Variants in NCOA2 observed in about 807,000 individuals in gnomAD.
NCOA2 encodes nuclear receptor coactivator 2, also known as class E basic helix-loop-helix protein 75.
In NCOA2, 21 loss-of-function variants were observed where a neutral mutation model predicts 145.1. The ratio of observed to expected loss-of-function variants is 0.14; its 90% confidence interval spans 0.10 to 0.21. The LOEUF (loss-of-function observed/expected upper bound fraction) is 0.21, where lower values mean the gene tolerates loss of function less well. Ranked by LOEUF, NCOA2 falls within the 10% of genes least tolerant of loss-of-function variation. The pLI is 1.00. For synonymous variants in NCOA2, 619 were observed against 637.5 expected (o/e 0.97, Z 0.44); for missense variants, 1,472 against 1,837.6 (o/e 0.80, Z 3.64).
At chr8:70,404,744 G>C (rs528551118), upstream of NCOA2, among the ~76,000 whole-genome samples, 45 of 152,302 alleles carry the variant, frequency 3.0e-4, no homozygotes, top group Admixed American at 2.4e-3. Flanking sequence ...CTAGACATCC[G>C]TGAACAAAGT....
chr8:70,332,362 C>G (rs1053213628), intron 1 of NCOA2, among the ~76,000 whole-genome samples: 3 of 152,120 alleles, frequency 2.0e-5, no homozygotes, highest in Non-Finnish European at 4.4e-5. Context: ...TAAAAGAAAA[C>G]TACCTACACT....
chr8:70,138,918 A>G (rs559799070), intron 14 of NCOA2, among the ~76,000 whole-genome samples: 97 of 152,376 alleles, frequency 6.4e-4, no homozygotes, highest in Admixed American at 4.0e-3. Context: ...TTGGGCGATA[A>G]TAAGAGTGAA....
chr8:70,277,600 C>G (rs1244907860), intron 2 of NCOA2, among the ~76,000 whole-genome samples: 2 of 152,212 alleles, frequency 1.3e-5, no homozygotes, highest in South Asian at 2.1e-4. Flanking sequence ...AAGGGCCAGA[C>G]AGTTGAGTAA....
intron 1 of NCOA2, among the ~76,000 whole-genome samples, chr8:70,341,081 T>TAAAAAAAAAA (rs1563782941): frequency 5.2e-5 from 5 of 96,000 alleles, no homozygotes; most frequent in African/African-American, 3.0e-4. Context: ...CTTAAAAAGT[T>TAAAAAAAAAA]GAAAAAAAAA....
intron 4 of NCOA2, 52 bp downstream of exon 4, chr8:70,213,851 G>A: frequency 2.1e-6 from 3 of 1,457,028 alleles, no homozygotes; most frequent in Non-Finnish European, 2.8e-6. Context: ...TCTCACACAG[G>A]GAAAAACAGA....
At chr8:70,243,963 A>T (rs1188318742) in intron 2 of NCOA2, among the ~76,000 whole-genome samples, 2 of 152,070 alleles carry the variant, frequency 1.3e-5, no homozygotes, top group Admixed American at 1.3e-4. Context: ...CTGTGCTAAG[A>T]TATGGCTTGT....
intron 1 of NCOA2, among the ~76,000 whole-genome samples, chr8:70,360,831 G>C (rs1810130220): frequency 1.3e-5 from 2 of 151,808 alleles, no homozygotes; most frequent in Middle Eastern, 3.4e-3. Flanking sequence ...CCAGCTACCA[G>C]GGAGGCTGAG....
At chr8:70,291,229 C>T (rs1268588932) in intron 2 of NCOA2, among the ~76,000 whole-genome samples, 1 of 152,208 alleles carries the variant, frequency 6.6e-6, no homozygotes, top group South Asian at 2.1e-4. Context: ...CTCCTGTTTT[C>T]TAGTACAGAA....
chr8:70,341,082 G>GA lies in NCOA2; in HGVS notation c.-76-44283dup, dbSNP rs3085558. Among the ~76,000 whole-genome samples, 423 of 104,948 alleles carry GA rather than the reference G, an allele frequency of 4.0e-3. 2 individuals carry two copies. Among genetic ancestry groups the GA allele is most frequent in the East Asian group, 0.037 (102 of 2,770 alleles). The allele number at this position is 104,948 out of a possible 152,430, so 68.8% of individuals were successfully genotyped here. ...TGTGTACCCCTGAACTTAAAAAGTT[G>GA]AAAAAAAAAAAAAAAGAAACAAATA... On this transcript the variant is annotated intron_variant, in intron 1 of 22. Transcript: ENST00000452400.
chr8:70,416,044 T>G, the NCOA2 span, among the ~76,000 whole-genome samples: 1 of 152,328 alleles, frequency 6.6e-6, no homozygotes, highest in South Asian at 2.1e-4. Context: ...TTTAAGGATT[T>G]GGCTCATGCA....
chr8:70,237,630 C>T (rs1306120416), intron 2 of NCOA2, among the ~76,000 whole-genome samples: 3 of 151,708 alleles, frequency 2.0e-5, no homozygotes. Context: ...ATTATCCGGG[C>T]ATGCTGGCAT....
At chr8:70,445,841 A>G in the NCOA2 span, among the ~76,000 whole-genome samples, 1 of 152,216 alleles carries the variant, frequency 6.6e-6, no homozygotes, top group African/African-American at 2.4e-5. Context: ...GCTTCCATGA[A>G]TAGCGCAGAA....
At chr8:70,328,446 G>T (rs1189620307) in intron 1 of NCOA2, among the ~76,000 whole-genome samples, 5 of 152,084 alleles carry the variant, frequency 3.3e-5, no homozygotes. Context: ...TCATAAACTG[G>T]ATTCTTTGAA....
At chr8:70,137,309 C>T (rs1446775814) in intron 15 of NCOA2, among the ~76,000 whole-genome samples, 1 of 152,204 alleles carries the variant, frequency 6.6e-6, no homozygotes, top group African/African-American at 2.4e-5. Flanking sequence ...TCCCAAAGTG[C>T]TAGGATTACA....
At chr8:70,140,596 T>G (rs1033625148) in intron 14 of NCOA2, among the ~76,000 whole-genome samples, 2 of 140,788 alleles carry the variant, frequency 1.4e-5, no homozygotes, top group African/African-American at 5.4e-5. Flanking sequence ...CACCTAAGTT[T>G]TTTTTTTTTT....
intron 1 of NCOA2, among the ~76,000 whole-genome samples, chr8:70,353,363 C>T (rs1809410236): frequency 6.6e-6 from 1 of 150,588 alleles, no homozygotes; most frequent in African/African-American, 2.5e-5. Flanking sequence ...GATCTTCCCA[C>T]CTCAGCCTCC....
At chr8:70,130,348 A>C (rs570852141) in intron 16 of NCOA2, among the ~76,000 whole-genome samples, 1 of 152,360 alleles carries the variant, frequency 6.6e-6, no homozygotes, top group South Asian at 2.1e-4. Flanking sequence ...AAATGAGTGA[A>C]AAACGGACTA....
intron 2 of NCOA2, among the ~76,000 whole-genome samples, chr8:70,274,781 C>T (rs751941220): frequency 5.9e-5 from 9 of 152,254 alleles, no homozygotes; most frequent in Middle Eastern, 3.4e-3. Flanking sequence ...TGGCCTGCAA[C>T]GCAACAATCC....
At chr8:70,239,538 T>C (rs1023239169) in intron 2 of NCOA2, among the ~76,000 whole-genome samples, 1 of 152,136 alleles carries the variant, frequency 6.6e-6, no homozygotes, top group Admixed American at 6.5e-5. Context: ...CCTGCTGATA[T>C]AAGGCAGCTT....
Sources: allele counts gnomAD v4.1 joint callset (sites outside exome capture counted in the v4.1 genomes callset), GRCh38; gene constraint gnomAD v4.1.1; transcripts MANE v1.5; gene names NCBI Gene and HGNC (gene_info 2026-07-23, HGNC 2026-07-21).